The following CFAP20DC variants were observed in gnomAD, a reference collection of about 807,000 sequenced individuals.
CFAP20DC encodes CFAP20 domain containing.
CFAP20DC carries 84 observed loss-of-function variants against 101.7 expected under a neutral mutation model. That is an observed-to-expected ratio of 0.83 (90% CI 0.69 to 0.99). The LOEUF is 0.99. CFAP20DC is among the 50% of genes least tolerant of loss of function. The pLI, the probability that CFAP20DC is intolerant of heterozygous loss-of-function variation, is 0.00. For synonymous variants in CFAP20DC, 359 were observed against 351.2 expected (o/e 1.02, Z -0.25); for missense variants, 1,007 against 970.3 (o/e 1.04, Z -0.50).
At chr3:58,852,002 T>A (rs1256262794) in intron 12 of CFAP20DC, among the ~76,000 whole-genome samples, 1 of 152,156 alleles carries the variant, frequency 6.6e-6, no homozygotes, top group Admixed American at 6.5e-5. Flanking sequence ...GATGTTCTTG[T>A]TCTTTCACCC....
At position 58,724,838 on chromosome 3, in the gene CFAP20DC, C is replaced by T. The variant is rs2067527165; in HGVS notation, c.198-7210G>A. On this transcript the variant is annotated intron_variant, in intron 3 of 3. Transcript: ENST00000486145. This position sits in a 1 kb window ranked among gnomAD's most constrained non-coding sequence, Gnocchi z 5.6. ...GGGTGGTGTTGAGGCTGGTCCCCAA[C>T]ACAGCAGCAGTTGGGATCTGGAAGT... Among the ~76,000 whole-genome samples the T allele has an allele frequency of 6.6e-6, 1 of 152,062 alleles. No homozygotes were observed. Among genetic ancestry groups the T allele is most frequent in the African/African-American group, 2.4e-5 (1 of 41,396 alleles).
At chr3:58,825,225 A>C (rs1032799005) in intron 14 of CFAP20DC, among the ~76,000 whole-genome samples, 11 of 152,150 alleles carry the variant, frequency 7.2e-5, no homozygotes. Flanking sequence ...TAAAAAGGGA[A>C]AATGTCCTAG....
intron 15 of CFAP20DC, among the ~76,000 whole-genome samples, chr3:58,760,915 TG>T (rs1202051102): frequency 6.6e-6 from 1 of 152,216 alleles, no homozygotes; most frequent in Non-Finnish European, 1.5e-5. Flanking sequence ...AGCTTTTTGA[TG>T]TGTTGCTGGA....
chr3:58,948,649 A>T (rs2089680165), intron 4 of CFAP20DC, among the ~76,000 whole-genome samples: 1 of 152,204 alleles, frequency 6.6e-6, no homozygotes, highest in Non-Finnish European at 1.5e-5. Flanking sequence ...CCACTTGATC[A>T]TGGTGGATAA....
intron 4 of CFAP20DC, among the ~76,000 whole-genome samples, chr3:58,991,947 G>C (rs1251797305): frequency 6.6e-6 from 1 of 152,148 alleles, no homozygotes; most frequent in African/African-American, 2.4e-5. Flanking sequence ...GGTTCAAAAT[G>C]TTACTGATTT....
intron 5 of CFAP20DC, among the ~76,000 whole-genome samples, chr3:58,927,183 A>C (rs954903506): frequency 1.3e-5 from 2 of 152,220 alleles, no homozygotes; most frequent in South Asian, 2.1e-4. Flanking sequence ...TGAAATATAA[A>C]AATTTTTATT....
intron 4 of CFAP20DC, chr3:58,992,457 G>T: frequency 1.9e-6 from 1 of 528,600 alleles, no homozygotes; most frequent in Non-Finnish European, 2.4e-6. Context: ...TCAGTTGAAT[G>T]ACATATTGGT....
At chr3:58,966,805 G>A (rs1018704469) in intron 4 of CFAP20DC, among the ~76,000 whole-genome samples, 4 of 152,108 alleles carry the variant, frequency 2.6e-5, no homozygotes, top group Non-Finnish European at 4.4e-5. Flanking sequence ...GATTACAGGC[G>A]TGAGCCATCG....
At chr3:59,030,607 T>A (rs2093972444) in intron 4 of CFAP20DC, among the ~76,000 whole-genome samples, 1 of 152,192 alleles carries the variant, frequency 6.6e-6, no homozygotes, top group South Asian at 2.1e-4. Context: ...GTAATCTACT[T>A]CTATAGTCAA....
chr3:59,019,590 TG>T (rs1448363963), intron 4 of CFAP20DC, among the ~76,000 whole-genome samples: 1 of 152,090 alleles, frequency 6.6e-6, no homozygotes, highest in East Asian at 1.9e-4. Context: ...GAAGCTTTAC[TG>T]TGTTAAGTAA....
intron 15 of CFAP20DC, among the ~76,000 whole-genome samples, chr3:58,756,091 T>G (rs1402183437): frequency 6.6e-6 from 1 of 152,188 alleles, no homozygotes; most frequent in Non-Finnish European, 1.5e-5. Flanking sequence ...TTAAGTAATT[T>G]ATTATCTGCT....
chr3:58,944,991 A>G (rs1473504127), intron 4 of CFAP20DC, among the ~76,000 whole-genome samples: 1 of 152,220 alleles, frequency 6.6e-6, no homozygotes, highest in Non-Finnish European at 1.5e-5. Flanking sequence ...ACATTTTCCA[A>G]AAATATCATT....
chr3:58,983,708 T>C (rs2092660888), intron 4 of CFAP20DC, among the ~76,000 whole-genome samples: 5 of 152,316 alleles, frequency 3.3e-5, no homozygotes, highest in African/African-American at 1.2e-4. Flanking sequence ...TAAATACCTA[T>C]ATATGGCTTA....
At chr3:58,733,991 G>GT (rs1246433375) in intron 3 of CFAP20DC, among the ~76,000 whole-genome samples, 2 of 152,204 alleles carry the variant, frequency 1.3e-5, no homozygotes, top group Non-Finnish European at 1.5e-5. Context: ...ATGTTGAACT[G>GT]TAAGCCCGTG....
At chr3:58,758,745 T>A (rs1053530929) in intron 15 of CFAP20DC, among the ~76,000 whole-genome samples, 1 of 152,172 alleles carries the variant, frequency 6.6e-6, no homozygotes, top group East Asian at 1.9e-4. Flanking sequence ...TGTCCGTGTG[T>A]TCTCATTGTT....
At chr3:59,049,583 G>A in intron 1 of CFAP20DC, 28 bp downstream of exon 1, 1 of 1,533,942 alleles carries the variant, frequency 6.5e-7, no homozygotes, top group Non-Finnish European at 8.7e-7. Context: ...GAAAGGTATA[G>A]ACAGGTTGGA....
intron 13 of CFAP20DC, among the ~76,000 whole-genome samples, chr3:58,846,032 C>A (rs1342649772): frequency 6.7e-6 from 1 of 149,984 alleles, no homozygotes; most frequent in Non-Finnish European, 1.5e-5. Context: ...TAAGAGCTAT[C>A]TATGACAAAC....
intron 14 of CFAP20DC, among the ~76,000 whole-genome samples, chr3:58,824,072 C>T (rs1394918622): frequency 2.6e-5 from 4 of 152,116 alleles, no homozygotes; most frequent in African/African-American, 9.7e-5. Flanking sequence ...CACTATTACA[C>T]TGACTCTAAT....
chr3:59,042,394 T>C (rs943731323), intron 3 of CFAP20DC, among the ~76,000 whole-genome samples: 1 of 151,836 alleles, frequency 6.6e-6, no homozygotes, highest in Non-Finnish European at 1.5e-5. Context: ...CCCTCGTACA[T>C]TAATTCATTT....
Sources: gnomAD v4.1 joint callset for allele counts (sites outside exome capture counted in the v4.1 genomes callset) on GRCh38, gnomAD v4.1.1 for gene constraint, Gnocchi (gnomAD v3.1) non-coding constraint, MANE v1.5 for transcripts, NCBI Gene and HGNC (gene_info 2026-07-23, HGNC 2026-07-21) for gene names.